APOB: variants seen among roughly 807,000 people sequenced by gnomAD.
APOB encodes apolipoprotein B-100.
APOB carries 153 observed loss-of-function variants against 314.1 expected under a neutral mutation model. That is an observed-to-expected ratio of 0.49 (90% confidence interval 0.43 to 0.56). APOB has a LOEUF of 0.56. APOB is among the 20% of genes least tolerant of loss of function. The pLI is 0.00. For missense variants in APOB, 5,430 were observed against 5,350.7 expected (o/e 1.01, Z -0.46); for synonymous variants, 2,087 against 2,036.4 (o/e 1.02, Z -0.67).
intron 4 of APOB, among the ~76,000 whole-genome samples, chr2:21,038,951 A>G (rs1355037967): frequency 2.6e-5 from 4 of 152,238 alleles, no homozygotes; most frequent in South Asian, 4.1e-4. Context: ...CATGCAGAAC[A>G]TTCCATTCCA....
At chr2:21,021,224 T>C (rs188257049) in intron 18 of APOB, among the ~76,000 whole-genome samples, 1 of 152,300 alleles carries the variant, frequency 6.6e-6, no homozygotes, top group African/African-American at 2.4e-5. Flanking sequence ...GGGCGCCTCC[T>C]TCCTCTTTTC....
chr2:21,023,149 C>T, intron 17 of APOB, 107 bp from the exon 18 acceptor site: 1 of 1,029,450 alleles, frequency 9.7e-7, no homozygotes, highest in African/African-American at 1.6e-5. Flanking sequence ...CTGGATAACT[C>T]AGACCTTTGG....
At chr2:21,037,919 G>A in intron 5 of APOB, 39 bp downstream of exon 5, 2 of 1,613,286 alleles carry the variant, frequency 1.2e-6, no homozygotes, top group Non-Finnish European at 1.7e-6. Flanking sequence ...ATGAAGATGA[G>A]TTTCAAGGGC....
Position 21,009,768 on chromosome 2 carries a change from T to C in APOB, c.7100A>G (p.Gln2367Arg), listed in dbSNP as rs1387146489. 3 of 1,613,922 alleles carry C rather than the reference T, an allele frequency of 1.9e-6. No individual in the cohort carries two copies. Among genetic ancestry groups the C allele is most frequent in the African/African-American group, 1.3e-5 (1 of 74,916 alleles). The change falls in exon 26 of 29, where the codon CAA becomes CGA. Residue 2367 changes from glutamine to arginine, a missense_variant. By Grantham distance (43) the Gln-to-Arg change is conservative (BLOSUM62 1). Around this residue, in one of 3 missense-constraint regions of APOB, gnomAD observed 3,281 missense variants for 3,171.0 expected, o/e 1.03. Coordinates refer to ENST00000233242, the MANE Select transcript of APOB (RefSeq NM_000384.3). ...CTGAATAGTCTCCTTCAACTTGTATTGGTGGGCCAACTCTACTAATTTATC... is the reference window on the plus strand; with the variant it reads ...CTGAATAGTCTCCTTCAACTTGTATCGGTGGGCCAACTCTACTAATTTATC... ...LMDKLVELAH[Q>R]YKLKETIQKL...
rs1446090393 is a variant in APOB, at chr2:21,025,008, G to A, written c.2361C>T (p.Ala787=). 1.2e-6 allele frequency: 2 copies of A among 1,614,124 alleles called. No homozygotes were observed. Among genetic ancestry groups the A allele is most frequent in the Non-Finnish European group, 1.7e-6 (2 of 1,180,056 alleles). The change falls in exon 16 of 29, where the codon GCC becomes GCT. Residue 787 remains alanine (A), a synonymous_variant. Transcript: ENST00000233242. ...CCAGGAGCTGGAGGTCATGGAGACT[G>A]GCAAAACCAAGCTCCTCTCCCAAGA... ...LRILGEELGF[A]SLHDLQLLGK...
chr2:21,041,191 G>A, intron 3 of APOB, 108 bp from the exon 4 acceptor site: 1 of 1,163,974 alleles, frequency 8.6e-7, no homozygotes, highest in Non-Finnish European at 1.2e-6. Flanking sequence ...GAATGGTGCT[G>A]GGAACACCAC....
chr2:21,041,501 C>A (rs968297720), intron 3 of APOB, among the ~76,000 whole-genome samples: 6 of 152,120 alleles, frequency 3.9e-5, no homozygotes, highest in Non-Finnish European at 7.4e-5. Context: ...TAATGTCACC[C>A]AAAAAACTGG....
chr2:21,007,155 G>A lies in APOB; in HGVS notation c.9713C>T (p.Ser3238Phe), dbSNP rs777546847. 6.8e-6 allele frequency: 11 copies of A among 1,613,984 alleles called. No individual in the cohort carries two copies. The highest frequency in any genetic ancestry group is 9.3e-6 in the Non-Finnish European group (11 of 1,179,936). The change falls in exon 26 of 29, where the codon TCT becomes TTT. Residue 3238 changes from serine (S) to phenylalanine (F), a missense_variant. Coordinates refer to ENST00000233242, the MANE Select transcript of APOB (RefSeq NM_000384.3). ...AAAGGTCCTGGGGAGCTCGTCGTGA[G>A]ATTTTTCAGCTTTGTACTTATCAAA... ...IKFDKYKAEK[S>F]HDELPRTFQI...
In APOB at chr2:21,012,120, G is replaced by A. The variant is rs750167365; in HGVS notation, c.4748C>T (p.Thr1583Ile). 1 of 1,609,682 alleles carries A rather than the reference G, an allele frequency of 6.2e-7. No individual in the cohort carries two copies. Among genetic ancestry groups the A allele is most frequent in the South Asian group, 1.1e-5 (1 of 90,472 alleles). ...DTNGKYKNFATSNKMDMTFSK... is the reference protein window; with the variant it reads ...DTNGKYKNFAISNKMDMTFSK... ...GAAGGTCATATCCATCTTGTTAGAA[G>A]TGGCAAAGTTCTTATACTTCCCATT... Residue 1583 changes from threonine to isoleucine, a missense_variant, in exon 26 of 29, where the codon ACT becomes ATT. By Grantham distance (89) the Thr-to-Ile change is moderately conservative. Transcript: ENST00000233242.
chr2:21,019,735 G>C lies in APOB; in HGVS notation c.2987C>G (p.Thr996Ser). 1 of 1,614,146 alleles carries C rather than the reference G, an allele frequency of 6.2e-7. No homozygotes were observed. The highest frequency in any genetic ancestry group is 8.5e-7 in the Non-Finnish European group (1 of 1,180,012). The stretch of plus-strand genomic sequence containing the variant: ...GAGCATCTCTAACCTGGTGTCCCCG[G>C]TCAGCGGATAGTAGGAGGCGGAGTC... Reference protein sequence around the residue: ...STDSASYYPLTGDTRLELELR... With the variant: ...STDSASYYPLSGDTRLELELR... Residue 996 changes from threonine (T) to serine (S), a missense_variant, in exon 19 of 29, where the codon ACC becomes AGC. Around this residue, in one of 3 missense-constraint regions of APOB, gnomAD observed 2,085 missense variants for 2,079.7 expected, o/e 1.00. Coordinates refer to ENST00000233242, the MANE Select transcript of APOB (RefSeq NM_000384.3).
At chr2:21,030,091 G>GA in intron 10 of APOB, 76 bp from the exon 11 acceptor site, 5 of 889,764 alleles carry the variant, frequency 5.6e-6, no homozygotes, top group East Asian at 2.4e-5. Context: ...TTGTGAATTA[G>GA]AAAAAATAAT....
intron 4 of APOB, among the ~76,000 whole-genome samples, chr2:21,040,092 C>T (rs770187565): frequency 3.2e-4 from 49 of 152,040 alleles, no homozygotes; most frequent in African/African-American, 7.7e-4. Flanking sequence ...AGATGGGTGT[C>T]GGGAGATCTG....
chr2:21,026,915 C>T lies in APOB; in HGVS notation c.2117G>A (p.Gly706Glu). Residue 706 changes from glycine (G) to glutamate (E), a missense_variant, in exon 15 of 29, where the codon GGG (glycine) becomes GAG (glutamate). This residue lies in a region of APOB where 2,085 missense variants were observed against 2,079.7 expected (regional missense o/e 1.00). Coordinates refer to ENST00000233242, the MANE Select transcript of APOB (RefSeq NM_000384.3). ...GFEPTLEALF[G>E]KQGFFPDSVN... ...ACTGTCTGGGAAAAATCCTTGCTTC[C>T]CAAAAAGAGCTTCCAATGTTGGCTC... is the stretch of plus-strand genomic sequence containing the variant. 1 of 1,614,150 alleles carries T rather than the reference C, an allele frequency of 6.2e-7. No individual in the cohort carries two copies. The highest frequency in any genetic ancestry group is 8.5e-7 in the Non-Finnish European group (1 of 1,180,026).
Position 21,005,901 on chromosome 2 carries a change from T to A in APOB, c.10967A>T (p.Lys3656Met). ...GGATCCTGCAATGTCAAGGTGTGCC[T>A]TTTCTTGGTCATTGGAAAGCTCGAC... ...SQVELSNDQE[K>M]AHLDIAGSLE... Residue 3656 changes from lysine to methionine, a missense_variant, in exon 26 of 29, where the codon AAG becomes ATG. Around this residue, in one of 3 missense-constraint regions of APOB, gnomAD observed 3,281 missense variants for 3,171.0 expected, o/e 1.03. Transcript: ENST00000233242. 1 of 1,613,932 alleles carries A rather than the reference T, an allele frequency of 6.2e-7. No homozygotes were observed. Among genetic ancestry groups the A allele is most frequent in the Non-Finnish European group, 8.5e-7 (1 of 1,179,946 alleles).
chr2:21,012,264 C>T lies in APOB; in HGVS notation c.4604G>A (p.Gly1535Glu). The change falls in exon 26 of 29, where the codon GGA (glycine) becomes GAA (glutamate). Residue 1535 changes from glycine to glutamate, a missense_variant. By Grantham distance (98) the Gly-to-Glu change is moderately conservative. Around this residue, in one of 3 missense-constraint regions of APOB, gnomAD observed 2,085 missense variants for 2,079.7 expected, o/e 1.00. Transcript: ENST00000233242. ...GGAGAGGGTTCCATCTTCATATCTT[C>T]CTGTTATCTGGTTGGTGCCTTGGAG... ...SYLQGTNQITGRYEDGTLSLT... is the reference protein window; with the variant it reads ...SYLQGTNQITERYEDGTLSLT... 6.2e-7 allele frequency: 1 copy of T among 1,613,294 alleles called. No homozygotes were observed. The highest frequency in any genetic ancestry group is 8.5e-7 in the Non-Finnish European group (1 of 1,179,436).
chr2:21,025,210 G>T, intron 15 of APOB, 86 bp from the exon 16 acceptor site: 2 of 1,317,214 alleles, frequency 1.5e-6, no homozygotes, highest in Non-Finnish European at 1.1e-6. Context: ...GTCTGATGCA[G>T]CCAGGATGGG....
chr2:21,027,349 T>C (rs1450877397), intron 14 of APOB, among the ~76,000 whole-genome samples: 1 of 143,812 alleles, frequency 7.0e-6, no homozygotes, highest in Non-Finnish European at 1.5e-5. Context: ...TCTTGCTCTG[T>C]CGCCCAGGCT....
In APOB at chr2:21,037,222, T is replaced by C. The variant is rs1318040190; in HGVS notation, c.571A>G (p.Thr191Ala). Residue 191 changes from threonine (T) to alanine (A), a missense_variant, in exon 6 of 29, where the codon ACC becomes GCC. Around this residue, in one of 3 missense-constraint regions of APOB, gnomAD observed 2,085 missense variants for 2,079.7 expected, o/e 1.00. Transcript: ENST00000233242. ...TVYGNCSTHF[T>A]VKTRKGNVAT... ...ACATTGCCCTTCCTCGTCTTGACGG[T>C]AAAGTGAGTGGAGCAGTTTCCATAC... 2.7e-5 allele frequency: 44 copies of C among 1,613,950 alleles called. No homozygotes were observed. The highest frequency in any genetic ancestry group is 3.7e-5 in the Non-Finnish European group (44 of 1,180,034).
chr2:21,006,174 T>C lies in APOB; in HGVS notation c.10694A>G (p.His3565Arg). 1.2e-6 allele frequency: 2 copies of C among 1,614,066 alleles called. No individual in the cohort carries two copies. The highest frequency in any genetic ancestry group is 1.7e-6 in the Non-Finnish European group (2 of 1,179,962). Residue 3565 changes from histidine to arginine, a missense_variant, in exon 26 of 29, where the codon CAC (histidine) becomes CGC (arginine). His to Arg is a conservative substitution (Grantham distance 29, BLOSUM62 0). Around this residue, in one of 3 missense-constraint regions of APOB, gnomAD observed 3,281 missense variants for 3,171.0 expected, o/e 1.03. Coordinates refer to ENST00000233242, the MANE Select transcript of APOB (RefSeq NM_000384.3). ...TAGCTGTAAGTGGTTTTTCGTACTGTGCTCCCAGAGGGAATATATGCGTTG... is the reference window on the plus strand; with the variant it reads ...TAGCTGTAAGTGGTTTTTCGTACTGCGCTCCCAGAGGGAATATATGCGTTG... The part of the protein sequence containing the change: ...TLQRIYSLWE[H>R]STKNHLQLEG...
Sources: allele counts gnomAD v4.1 joint callset (sites outside exome capture counted in the v4.1 genomes callset), GRCh38; gene constraint gnomAD v4.1.1; regional missense constraint gnomAD v4.1.1; transcripts MANE v1.5; gene names NCBI Gene and HGNC (gene_info 2026-07-23, HGNC 2026-07-21).